SH3GL2: variants seen among roughly 807,000 people sequenced by gnomAD.
SH3GL2 encodes endophilin-A1.
SH3GL2 carries 24 observed loss-of-function variants against 46.0 expected under a neutral mutation model. The observed-to-expected ratio is 0.52, with a 90% CI of 0.38 to 0.73. The LOEUF is 0.73. Ranked by LOEUF, SH3GL2 falls within the 30% of genes least tolerant of loss-of-function variation. The pLI is 0.00. For missense variants in SH3GL2, 413 were observed against 424.2 expected, an observed-to-expected ratio of 0.97 and a Z score of 0.23; for synonymous variants, 196 against 147.1, an observed-to-expected ratio of 1.33 and a Z score of -2.40.
intron 1 of SH3GL2, among the ~76,000 whole-genome samples, chr9:17,583,603 C>A (rs765770211): frequency 6.6e-6 from 1 of 152,118 alleles, no homozygotes; most frequent in Non-Finnish European, 1.5e-5. Context: ...TGTTAGTAGC[C>A]TGAACAGACT....
At chr9:17,764,447 C>T (rs543934119) in intron 3 of SH3GL2, among the ~76,000 whole-genome samples, 29 of 152,198 alleles carry the variant, frequency 1.9e-4, no homozygotes, top group Admixed American at 1.9e-3. Context: ...TTCCCAAACT[C>T]GTGCAGTTTG....
chr9:17,624,726 G>C (rs1418450618), intron 1 of SH3GL2, among the ~76,000 whole-genome samples: 3 of 152,114 alleles, frequency 2.0e-5, no homozygotes, highest in Admixed American at 1.3e-4. Flanking sequence ...AATGTGATCA[G>C]GCTCATCTTG....
chr9:17,729,481 A>C (rs1822114896), intron 1 of SH3GL2, among the ~76,000 whole-genome samples: 1 of 152,030 alleles, frequency 6.6e-6, no homozygotes, highest in African/African-American at 2.4e-5. Flanking sequence ...CCCATTTGTC[A>C]ATTTTGGCTT....
At chr9:17,640,381 C>G (rs1247794720) in intron 1 of SH3GL2, among the ~76,000 whole-genome samples, 1 of 151,812 alleles carries the variant, frequency 6.6e-6, no homozygotes, top group Non-Finnish European at 1.5e-5. Context: ...CCATATTAAT[C>G]CAATTTGCAG....
intron 2 of SH3GL2, among the ~76,000 whole-genome samples, chr9:17,750,274 T>G (rs1349353387): frequency 6.6e-6 from 1 of 151,960 alleles, no homozygotes; most frequent in Non-Finnish European, 1.5e-5. Context: ...TCGTCAGGCA[T>G]TTGGGGTAGA....
chr9:17,726,397 GAATA>G (rs1456630492), intron 1 of SH3GL2, among the ~76,000 whole-genome samples: 4 of 152,124 alleles, frequency 2.6e-5, no homozygotes, highest in African/African-American at 9.7e-5. Context: ...CTGAATGAAT[GAATA>G]GATACTACAT....
At chr9:17,740,122 A>G (rs1226463926) in intron 1 of SH3GL2, among the ~76,000 whole-genome samples, 1 of 152,158 alleles carries the variant, frequency 6.6e-6, no homozygotes, top group Non-Finnish European at 1.5e-5. Flanking sequence ...TTTCTTAAAT[A>G]TACAATTTTT....
At chr9:17,683,284 G>A (rs1820821847) in intron 1 of SH3GL2, among the ~76,000 whole-genome samples, 1 of 152,086 alleles carries the variant, frequency 6.6e-6, no homozygotes, top group Non-Finnish European at 1.5e-5. Context: ...GGAACACTGG[G>A]GGCAAGGCAA....
At chr9:17,755,860 T>C in intron 2 of SH3GL2, 1 of 740,252 alleles carries the variant, frequency 1.4e-6, no homozygotes, top group Non-Finnish European at 1.7e-6. Flanking sequence ...TCTGGAAGAG[T>C]AACCCCATTC....
chr9:17,750,049 A>G (rs575234228), intron 2 of SH3GL2, among the ~76,000 whole-genome samples: 2 of 152,222 alleles, frequency 1.3e-5, no homozygotes, highest in South Asian at 4.2e-4. Context: ...GATTCTGTAT[A>G]TCTTTTGTTT....
intron 1 of SH3GL2, among the ~76,000 whole-genome samples, chr9:17,739,092 A>G (rs1011540318): frequency 3.3e-5 from 5 of 152,100 alleles, no homozygotes; most frequent in African/African-American, 4.8e-5. Flanking sequence ...TTGTGGCTCC[A>G]TTTTGTGGAT....
At chr9:17,794,761 G>A (rs1824231592) in intron 8 of SH3GL2, among the ~76,000 whole-genome samples, 1 of 152,084 alleles carries the variant, frequency 6.6e-6, no homozygotes, top group African/African-American at 2.4e-5. Flanking sequence ...TTTACTCAAG[G>A]TGGAGTACAT....
intron 1 of SH3GL2, among the ~76,000 whole-genome samples, chr9:17,687,010 C>G (rs1820931512): frequency 6.6e-6 from 1 of 151,334 alleles, no homozygotes; most frequent in Non-Finnish European, 1.5e-5. Flanking sequence ...CAACTGTGAA[C>G]TACATTTTGA....
chr9:17,787,809 C>T (rs1456575139), intron 5 of SH3GL2, among the ~76,000 whole-genome samples: 1 of 152,110 alleles, frequency 6.6e-6, no homozygotes, highest in African/African-American at 2.4e-5. Context: ...CCTGAGAATA[C>T]ACAGTTTTGT....
At chr9:17,638,645 G>A (rs143502965) in intron 1 of SH3GL2, among the ~76,000 whole-genome samples, 3 of 152,336 alleles carry the variant, frequency 2.0e-5, no homozygotes, top group Non-Finnish European at 4.4e-5. Context: ...TGGGGGATGT[G>A]CAGAACAAGG....
intron 2 of SH3GL2, among the ~76,000 whole-genome samples, chr9:17,750,177 G>C (rs1460016217): frequency 6.6e-6 from 1 of 151,966 alleles, no homozygotes; most frequent in Non-Finnish European, 1.5e-5. Context: ...ATCTTTTCTC[G>C]CCTGTTAATT....
At chr9:17,745,411 C>T (rs144098571) in intron 1 of SH3GL2, among the ~76,000 whole-genome samples, 1 of 152,278 alleles carries the variant, frequency 6.6e-6, no homozygotes, top group African/African-American at 2.4e-5. Context: ...TAGGTTCAGA[C>T]ATATGCTCTT....
intron 1 of SH3GL2, among the ~76,000 whole-genome samples, chr9:17,728,234 A>T (rs1168288122): frequency 2.0e-5 from 3 of 152,054 alleles, no homozygotes; most frequent in African/African-American, 7.2e-5. Context: ...CTACCTTGGC[A>T]CATTCATCAT....
rs138669499 is a variant in SH3GL2 at position 17,675,899 on chromosome 9, C to T, written c.46-71167C>T. Among the ~76,000 whole-genome samples, 4 of 152,098 alleles carry T rather than the reference C, an allele frequency of 2.6e-5. No homozygotes were observed. In the South Asian group the frequency reaches 6.2e-4, roughly 24 times the overall value. ...GGTGGAGGTTGCAGTGAGCTGAGAT[C>T]GCGCCACTGCACTCCAGCCTGGGCG... On this transcript the variant is annotated intron_variant, in intron 1 of 8. Transcript: ENST00000380607.
Sources: gnomAD v4.1 joint callset for allele counts (sites outside exome capture counted in the v4.1 genomes callset) on GRCh38, gnomAD v4.1.1 for gene constraint, MANE v1.5 for transcripts, NCBI Gene and HGNC (gene_info 2026-07-23, HGNC 2026-07-21) for gene names.